Variants in KATNAL2 observed in about 807,000 individuals in gnomAD.
KATNAL2 encodes katanin catalytic subunit A1 like 2.
Under a neutral mutation model 76.3 loss-of-function variants are expected in KATNAL2, and 52 were observed. The ratio of observed to expected loss-of-function variants is 0.68; its 90% CI spans 0.55 to 0.86. The LOEUF (loss-of-function observed/expected upper bound fraction) is 0.86. Among genes scored for constraint, KATNAL2 ranks in the 40% least tolerant of loss-of-function variants. KATNAL2 has a pLI of 0.00. For synonymous variants in KATNAL2, 243 were observed against 244.2 expected, an observed-to-expected ratio of 1.00 and a Z score of 0.05; for missense variants, 660 against 668.9, an observed-to-expected ratio of 0.99 and a Z score of 0.15.
intron 15 of KATNAL2, among the ~76,000 whole-genome samples, chr18:47,097,272 A>G (rs2147417074): frequency 6.6e-6 from 1 of 152,328 alleles, no homozygotes; most frequent in Non-Finnish European, 1.5e-5. Context: ...GGGTATTCCT[A>G]TGGTGTCAAA....
chr18:46,920,202 TG>T, intron 1 of KATNAL2: 1 of 536,588 alleles, frequency 1.9e-6, no homozygotes, highest in Non-Finnish European at 3.3e-6. Flanking sequence ...AGGACTGTTA[TG>T]TCATTCTGGC....
chr18:47,087,925 A>T (rs1401610366), intron 15 of KATNAL2, among the ~76,000 whole-genome samples: 1 of 152,032 alleles, frequency 6.6e-6, no homozygotes, highest in African/African-American at 2.4e-5. Context: ...ACTCCATTGT[A>T]TGTGTGTACC....
chr18:47,059,528 C>A, intron 7 of KATNAL2, 28 bp from the exon 8 acceptor site: 1 of 1,504,156 alleles, frequency 6.6e-7, no homozygotes, highest in Non-Finnish European at 9.3e-7. Flanking sequence ...TGCTCACAGC[C>A]GATGTGTCCT....
chr18:46,922,921 ATAT>A (rs1279509765), intron 1 of KATNAL2, among the ~76,000 whole-genome samples: 2 of 148,116 alleles, frequency 1.4e-5, no homozygotes, highest in African/African-American at 2.4e-5. Context: ...TTAATATATA[ATAT>A]TATATATGAT....
At position 47,033,834 on chromosome 18, in the gene KATNAL2, A is replaced by C. The variant is rs1435714226; in HGVS notation, c.52-12623A>C. 5 of 1,613,956 alleles carry C rather than the reference A, an allele frequency of 3.1e-6. No individual in the cohort carries two copies. The African/African-American group carries it at 5.3e-5, about 17-fold the overall frequency. ...GGGAGGTCATGGAGTCAGAATCCGAAAGCGGATCGTAGTTGGCCTGCATCC... is the reference window on the plus strand; with the variant it reads ...GGGAGGTCATGGAGTCAGAATCCGACAGCGGATCGTAGTTGGCCTGCATCC... On this transcript the variant is annotated intron_variant, in intron 3 of 17. Coordinates refer to ENST00000683218, the MANE Select transcript of KATNAL2 (RefSeq NM_001387690.1).
At chr18:47,050,632 G>A (rs1014893623) in intron 4 of KATNAL2, among the ~76,000 whole-genome samples, 13 of 152,128 alleles carry the variant, frequency 8.5e-5, no homozygotes, top group Non-Finnish European at 4.4e-5. Flanking sequence ...ATCATTTTCC[G>A]AAACCTGCTG....
At chr18:47,033,422 G>A in intron 3 of KATNAL2, 1 of 1,614,186 alleles carries the variant, frequency 6.2e-7, no homozygotes, top group Non-Finnish European at 8.5e-7. Context: ...CGCTGCTCTG[G>A]GGCGTCCGGA....
At chr18:46,946,762 A>G in intron 2 of KATNAL2, 92 bp from the exon 3 acceptor site, 1 of 1,262,874 alleles carries the variant, frequency 7.9e-7, no homozygotes, top group Non-Finnish European at 1.1e-6. Context: ...TCTGGGCTCT[A>G]GCCAATCCGG....
At chr18:47,033,509 T>C (rs765443287) in intron 3 of KATNAL2, 1 of 1,614,184 alleles carries the variant, frequency 6.2e-7, no homozygotes. Context: ...CAATGATTCC[T>C]CCGTAATTCG....
intron 1 of KATNAL2, among the ~76,000 whole-genome samples, chr18:46,924,604 T>A (rs1599299416): frequency 6.6e-6 from 1 of 152,212 alleles, no homozygotes; most frequent in South Asian, 2.1e-4. Flanking sequence ...TTTTTTCTAA[T>A]TCTGTGAAGA....
chr18:47,084,201 G>A, intron 15 of KATNAL2: 1 of 581,294 alleles, frequency 1.7e-6, no homozygotes, highest in Non-Finnish European at 3.1e-6. Flanking sequence ...TGCTAACAGG[G>A]ATGTCTTTCT....
intron 15 of KATNAL2, among the ~76,000 whole-genome samples, chr18:47,078,851 G>C (rs2062370406): frequency 1.3e-5 from 2 of 152,166 alleles, no homozygotes; most frequent in Non-Finnish European, 2.9e-5. Context: ...AATTGAATAA[G>C]CTTATAAGGG....
At position 46,924,436 on chromosome 18, in the gene KATNAL2, T is replaced by G. The variant is rs541185116; in HGVS notation, c.-510+6510T>G. 1.6e-4 allele frequency among the ~76,000 whole-genome samples: 24 copies of G among 152,322 alleles called. 1 individual carries two copies. The South Asian group carries it at 5.0e-3, about 32-fold the overall frequency. On this transcript the variant is annotated intron_variant, in intron 1 of 17. Coordinates refer to ENST00000683218, the MANE Select transcript of KATNAL2 (RefSeq NM_001387690.1). ...CTCTGTTCTGTTACATTGGTCTATA[T>G]CTCTGTTTTGGTACCAGTACCACAC...
chr18:47,054,926 G>T (rs752811641), intron 6 of KATNAL2, among the ~76,000 whole-genome samples: 2 of 152,216 alleles, frequency 1.3e-5, no homozygotes, highest in Non-Finnish European at 2.9e-5. Context: ...TTCTGGCTTC[G>T]CCAGTCCTGA....
At chr18:47,034,017 T>C in intron 3 of KATNAL2, 1 of 1,614,144 alleles carries the variant, frequency 6.2e-7, no homozygotes, top group Non-Finnish European at 8.5e-7. Context: ...TGCCCTTGGA[T>C]TCGTTTGCTT....
chr18:46,930,490 A>C (rs1196706511), intron 1 of KATNAL2, among the ~76,000 whole-genome samples: 1 of 152,098 alleles, frequency 6.6e-6, no homozygotes, highest in Admixed American at 6.5e-5. Flanking sequence ...CTGCTTTTAG[A>C]GGGAATTTAT....
At chr18:46,943,207 C>T (rs2059296096) in intron 1 of KATNAL2, among the ~76,000 whole-genome samples, 1 of 152,098 alleles carries the variant, frequency 6.6e-6, no homozygotes, top group Non-Finnish European at 1.5e-5. Flanking sequence ...AAGGAGACTC[C>T]TATACAAATT....
intron 15 of KATNAL2, among the ~76,000 whole-genome samples, chr18:47,082,395 T>A (rs1345418822): frequency 6.6e-6 from 1 of 152,152 alleles, no homozygotes; most frequent in Non-Finnish European, 1.5e-5. Context: ...TCACCCCCAG[T>A]TGAGGACCAC....
At chr18:47,039,813 A>G (rs1204952873) in intron 3 of KATNAL2, among the ~76,000 whole-genome samples, 2 of 152,290 alleles carry the variant, frequency 1.3e-5, no homozygotes, top group East Asian at 3.9e-4. Flanking sequence ...GGCACCCACC[A>G]ATTACTATCC....
Sources: gnomAD v4.1 joint callset for allele counts (sites outside exome capture counted in the v4.1 genomes callset) on GRCh38, gnomAD v4.1.1 for gene constraint, MANE v1.5 for transcripts, NCBI Gene and HGNC (gene_info 2026-07-23, HGNC 2026-07-21) for gene names.